Variants in GABRR2 observed in about 807,000 individuals in gnomAD.
The protein encoded by GABRR2 is gamma-aminobutyric acid type A receptor subunit rho2.
A neutral mutation model predicts 47.0 loss-of-function variants in GABRR2; 36 were observed. The observed-to-expected ratio is 0.77, with a 90% CI of 0.59 to 1.01. GABRR2 has a LOEUF of 1.01. GABRR2 is among the 50% of genes least tolerant of loss of function. GABRR2 has a pLI of 0.00. For missense variants in GABRR2, 587 were observed against 594.6 expected (o/e 0.99, Z 0.13); for synonymous variants, 204 against 227.5 (o/e 0.90, Z 0.93).
intron 2 of GABRR2, among the ~76,000 whole-genome samples, chr6:89,290,274 G>A (rs1351836296): frequency 6.6e-6 from 1 of 152,230 alleles, no homozygotes; most frequent in East Asian, 1.9e-4. Flanking sequence ...CCCAGCACAT[G>A]AGCTGCCTTT....
chr6:89,302,502 G>C (rs568060929), intron 1 of GABRR2: 5 of 721,610 alleles, frequency 6.9e-6, no homozygotes, highest in East Asian at 4.3e-5. Flanking sequence ...TGTGCTTCCC[G>C]GGCCAGCTCA....
intron 2 of GABRR2, among the ~76,000 whole-genome samples, chr6:89,287,417 C>T (rs545622287): frequency 2.0e-5 from 3 of 152,330 alleles, no homozygotes; most frequent in African/African-American, 4.8e-5. Context: ...AAGTCTTTGC[C>T]CTGAGAGAGA....
chr6:89,302,808 A>G, intron 1 of GABRR2: 1 of 1,427,434 alleles, frequency 7.0e-7, no homozygotes, highest in Non-Finnish European at 9.7e-7. Flanking sequence ...CCCCAACAAC[A>G]TGAAGGTGGA....
rs1166740195 is a variant in GABRR2 at position 89,292,752 on chromosome 6, ATCG to A, written c.220+7004_220+7006del. ...GTATATATCATATATAATCGTATATATCGTATATACGATATATCGTATATATCG... is the reference window on the plus strand; with the variant it reads ...GTATATATCATATATAATCGTATATATATATACGATATATCGTATATATCG... On this transcript the variant is annotated intron_variant, in intron 2 of 8. Coordinates refer to ENST00000402938, the MANE Select transcript of GABRR2 (RefSeq NM_002043.5). Among the ~76,000 whole-genome samples, 3 of 83,822 alleles carry A rather than the reference ATCG, an allele frequency of 3.6e-5. 1 individual carries two copies. Among genetic ancestry groups the A allele is most frequent in the South Asian group, 8.1e-4 (2 of 2,464 alleles). 55.0% of individuals were successfully genotyped at this position (83,822 alleles called of 152,430 possible). A position where few individuals can be genotyped will look rare whatever the true frequency, so the allele number is the denominator to read the frequency against.
chr6:89,300,664 C>A (rs1279918596), intron 1 of GABRR2, among the ~76,000 whole-genome samples: 1 of 145,492 alleles, frequency 6.9e-6, no homozygotes, highest in African/African-American at 2.6e-5. Context: ...AAATAGTGAA[C>A]CAGGAAGAAA....
intron 8 of GABRR2, 80 bp downstream of exon 8, chr6:89,264,332 G>T: frequency 6.9e-7 from 1 of 1,456,872 alleles, no homozygotes; most frequent in Non-Finnish European, 9.2e-7. Context: ...TGCAACCCCT[G>T]CCTCTGCCCC....
At chr6:89,297,859 A>G (rs1438307048) in intron 2 of GABRR2, among the ~76,000 whole-genome samples, 1 of 152,154 alleles carries the variant, frequency 6.6e-6, no homozygotes, top group Non-Finnish European at 1.5e-5. Context: ...TCTCGAAAAA[A>G]AAAGTGGTAG....
intron 1 of GABRR2, among the ~76,000 whole-genome samples, chr6:89,300,844 C>A (rs112012931): frequency 5.4e-4 from 82 of 151,434 alleles, no homozygotes; most frequent in Admixed American, 3.2e-3. Context: ...TAAAACTATT[C>A]CAAAAAATTG....
At chr6:89,273,743 A>G (rs566745224) in intron 2 of GABRR2, among the ~76,000 whole-genome samples, 1 of 152,172 alleles carries the variant, frequency 6.6e-6, no homozygotes, top group African/African-American at 2.4e-5. Flanking sequence ...GGCTCCCAAC[A>G]CCATTCATTC....
intron 2 of GABRR2, among the ~76,000 whole-genome samples, chr6:89,294,392 C>T (rs1774521462): frequency 6.6e-6 from 1 of 152,158 alleles, no homozygotes; most frequent in Non-Finnish European, 1.5e-5. Context: ...GTAATCCACC[C>T]ACCTTGACCT....
rs75399381 is a variant in GABRR2, at chr6:89,302,575, G to C, written c.114-2710C>G. 1.8e-3 allele frequency: 1,839 copies of C among 1,028,290 alleles called. 23 individuals are homozygous for C. The African/African-American group carries it at 0.028, about 15-fold the overall frequency. 63.7% of individuals were successfully genotyped at this position (1,028,290 alleles called of 1,614,324 possible). The stretch of plus-strand genomic sequence containing the variant: ...CCTTCCCCTGCCTGCACTTCTTCAT[G>C]CCAGGCATGAAGCCCGGGCAGCCAG... On this transcript the variant is annotated intron_variant, in intron 1 of 8. Coordinates refer to ENST00000402938, the MANE Select transcript of GABRR2 (RefSeq NM_002043.5).
intron 1 of GABRR2, among the ~76,000 whole-genome samples, chr6:89,310,380 C>T (rs367836455): frequency 1.1e-4 from 17 of 152,078 alleles, no homozygotes; most frequent in Admixed American, 9.8e-4. Flanking sequence ...TCTTTCAGAA[C>T]AAAGTACTCT....
chr6:89,304,613 A>G, intron 1 of GABRR2, among the ~76,000 whole-genome samples: 1 of 151,842 alleles, frequency 6.6e-6, no homozygotes, highest in Non-Finnish European at 1.5e-5. Flanking sequence ...AAAAAAAAGA[A>G]AAAAAGTGGG....
At chr6:89,268,925 GCAGTGACAGT>G in intron 4 of GABRR2, 76 bp downstream of exon 4, 1 of 1,205,006 alleles carries the variant, frequency 8.3e-7, no homozygotes, top group Non-Finnish European at 1.2e-6. Context: ...AGACCCAACC[GCAGTGACAGT>G]CTTCAGGGCC....
rs189695723 is a variant in GABRR2 at position 89,261,605 on chromosome 6, A to G, written c.1086+2807T>C. ...TATGGCCATAAGATACCAAATTACA[A>G]ACAGTACCTAAGGCCATTCTAGGGC... On this transcript the variant is annotated intron_variant, in intron 8 of 8. Coordinates refer to ENST00000402938, the MANE Select transcript of GABRR2 (RefSeq NM_002043.5). Among the ~76,000 whole-genome samples the G allele has an allele frequency of 2.3e-3, 357 of 152,352 alleles. 3 individuals carry two copies. Among genetic ancestry groups the G allele is most frequent in the Non-Finnish European group, 3.0e-3 (201 of 68,032 alleles).
chr6:89,273,648 C>A (rs531342708), intron 2 of GABRR2, among the ~76,000 whole-genome samples: 1 of 152,334 alleles, frequency 6.6e-6, no homozygotes, highest in African/African-American at 2.4e-5. Context: ...TCTTTCTCCC[C>A]TGAGGGCCTT....
rs1773616697 is a variant in GABRR2, at chr6:89,257,079, C to G, written c.*591G>C. On this transcript the variant is annotated 3_prime_UTR_variant, in exon 9 of 9. Coordinates refer to ENST00000402938, the MANE Select transcript of GABRR2 (RefSeq NM_002043.5). ...CCGTACCTGGCACAGAGTGGGACCT[C>G]AATATTTAATGAATGGTTGAATGGA... is the stretch of plus-strand genomic sequence containing the variant. 1 of 152,836 alleles carries G rather than the reference C, an allele frequency of 6.5e-6. No homozygotes were observed. Among genetic ancestry groups the G allele is most frequent in the Non-Finnish European group, 1.5e-5 (1 of 68,582 alleles). 9.5% of individuals were successfully genotyped at this position (152,836 alleles called of 1,614,324 possible).
chr6:89,302,282 G>C (rs570511122), intron 1 of GABRR2: 1 of 565,768 alleles, frequency 1.8e-6, no homozygotes, highest in African/African-American at 1.9e-5. Context: ...CACCTTCAGC[G>C]TAGTGCCCTC....
intron 4 of GABRR2, 128 bp from the exon 5 acceptor site, chr6:89,268,224 C>A (rs1373207954): frequency 5.6e-6 from 4 of 719,264 alleles, no homozygotes. Flanking sequence ...AGTTTGGAAA[C>A]AGTTATCTGA....
Sources: allele counts gnomAD v4.1 joint callset (sites outside exome capture counted in the v4.1 genomes callset), GRCh38; gene constraint gnomAD v4.1.1; transcripts MANE v1.5; gene names NCBI Gene and HGNC (gene_info 2026-07-23, HGNC 2026-07-21).